The following RMST variants were observed in gnomAD, a reference collection of about 807,000 sequenced individuals.
The protein encoded by RMST is long intergenic non-protein coding RNA 54.
At chr12:97,523,702 C>G (rs1002850839) in intron 10 of RMST, among the ~76,000 whole-genome samples, 7 of 152,096 alleles carry the variant, frequency 4.6e-5, no homozygotes, top group African/African-American at 1.7e-4. Context: ...GTGCTACTAT[C>G]GCACAGCTTG....
intron 5 of RMST, among the ~76,000 whole-genome samples, chr12:97,482,658 AATTT>A (rs946712160): frequency 1.4e-5 from 2 of 144,464 alleles, no homozygotes; most frequent in East Asian, 3.9e-4. Context: ...TTATTTAATA[AATTT>A]ATTTATTTAA....
At chr12:97,534,731 C>G (rs776438089) in intron 11 of RMST, among the ~76,000 whole-genome samples, 1 of 151,662 alleles carries the variant, frequency 6.6e-6, no homozygotes, top group African/African-American at 2.4e-5. Flanking sequence ...CCACCCAGTC[C>G]CAGCCCTGAC....
At chr12:97,550,343 G>T (rs1883222684) in intron 11 of RMST, among the ~76,000 whole-genome samples, 1 of 152,152 alleles carries the variant, frequency 6.6e-6, no homozygotes. Flanking sequence ...GGTGAGCCAA[G>T]ATCATGCCAT....
At chr12:97,469,575 T>C (rs946464731) in intron 5 of RMST, among the ~76,000 whole-genome samples, 1 of 152,060 alleles carries the variant, frequency 6.6e-6, no homozygotes, top group Admixed American at 6.6e-5. Flanking sequence ...CGTTTGTTTG[T>C]AGATGAGGAA....
chr12:97,472,572 A>C, intron 5 of RMST, among the ~76,000 whole-genome samples: 1 of 152,118 alleles, frequency 6.6e-6, no homozygotes, highest in East Asian at 1.9e-4. Flanking sequence ...TTGGATCTCT[A>C]ATATTTATAA....
Position 97,554,713 on chromosome 12 carries a change from T to G in RMST, n.1546-5824T>G, listed in dbSNP as rs145165371. 2.2e-4 allele frequency among the ~76,000 whole-genome samples: 33 copies of G among 152,348 alleles called. No homozygotes were observed. In the East Asian group the frequency reaches 4.0e-3, roughly 19 times the overall value. ...AGGTGTCTAGCTAATGATCTTGCTC[T>G]TTCCCTTTTTTGGGGTACTTGATAT... On this transcript the variant is annotated intron_variant and non_coding_transcript_variant, in intron 11 of 13. Transcript: ENST00000640149.
chr12:97,492,541 A>G (rs1370439331), exon 6 of RMST: 1 of 153,520 alleles, frequency 6.5e-6, no homozygotes, highest in Non-Finnish European at 1.5e-5. Context: ...CTGCGGGGAA[A>G]TATAATCAGA....
At chr12:97,520,560 A>C (rs1325579463) in intron 10 of RMST, among the ~76,000 whole-genome samples, 2 of 152,184 alleles carry the variant, frequency 1.3e-5, no homozygotes, top group African/African-American at 4.8e-5. Flanking sequence ...TTGCCATTAT[A>C]AAACCTAGGC....
chr12:97,538,246 T>C (rs919157358), intron 11 of RMST, among the ~76,000 whole-genome samples: 1 of 151,580 alleles, frequency 6.6e-6, no homozygotes, highest in East Asian at 1.9e-4. Flanking sequence ...TCAGGTTGTT[T>C]TGAATCTTTA....
At chr12:97,547,256 G>A (rs75811632) in intron 11 of RMST, among the ~76,000 whole-genome samples, 11,166 of 151,094 alleles carry the variant, frequency 0.074, 500 homozygotes, top group East Asian at 0.19. Context: ...CTATGTATGC[G>A]TATCACATTT....
intron 5 of RMST, among the ~76,000 whole-genome samples, chr12:97,476,722 T>G (rs1181445053): frequency 6.6e-6 from 1 of 152,180 alleles, no homozygotes; most frequent in African/African-American, 2.4e-5. Context: ...ATTTTCAAAA[T>G]GGTGTCTGGA....
intron 11 of RMST, among the ~76,000 whole-genome samples, chr12:97,544,733 C>T (rs2136632249): frequency 6.6e-6 from 1 of 152,142 alleles, no homozygotes; most frequent in South Asian, 2.1e-4. Context: ...ATGGTCAAAT[C>T]AATTTTCTTG....
intron 11 of RMST, among the ~76,000 whole-genome samples, chr12:97,542,854 A>G (rs531179652): frequency 6.6e-6 from 1 of 152,048 alleles, no homozygotes; most frequent in South Asian, 2.1e-4. Flanking sequence ...TGAGGTCTGC[A>G]GTGGAATGTC....
At chr12:97,551,650 C>T (rs956520574) in intron 11 of RMST, among the ~76,000 whole-genome samples, 1 of 152,090 alleles carries the variant, frequency 6.6e-6, no homozygotes, top group Non-Finnish European at 1.5e-5. Flanking sequence ...CTTTTGGTTT[C>T]TGCTGTTTAT....
intron 6 of RMST, chr12:97,492,758 C>T (rs918341026): frequency 1.3e-5 from 2 of 152,068 alleles, no homozygotes; most frequent in African/African-American, 4.8e-5. Flanking sequence ...ATTCTCTCTC[C>T]TAGGATTTGA....
rs1003070357 is a variant in RMST, at chr12:97,528,145, G to A, written n.1341-2510G>A. Among the ~76,000 whole-genome samples the A allele has an allele frequency of 9.2e-5, 14 of 152,196 alleles. No individual in the cohort carries two copies. The East Asian group carries it at 2.7e-3, about 29-fold the overall frequency. On this transcript the variant is annotated intron_variant and non_coding_transcript_variant, in intron 10 of 13. Coordinates refer to ENST00000640149, the Ensembl canonical transcript of RMST. ...GATTAACAATTAGAATGGCATTAAAGCAAACTTTTGTAAAAGAAGAAAATG... is the reference window on the plus strand; with the variant it reads ...GATTAACAATTAGAATGGCATTAAAACAAACTTTTGTAAAAGAAGAAAATG...
At position 97,469,141 on chromosome 12, in the gene RMST, AGTGTGTGTGT is replaced by A. The variant is rs10585876; in HGVS notation, n.644+3445_644+3454del. ...GATTTATACAATCTGAAGAGAAACCAGTGTGTGTGTGTGTGTGTGTGTGTGTGTGTGTGTG... is the reference window on the plus strand; with the variant it reads ...GATTTATACAATCTGAAGAGAAACCAGTGTGTGTGTGTGTGTGTGTGTGTG... On this transcript the variant is annotated intron_variant and non_coding_transcript_variant, in intron 5 of 13. Transcript: ENST00000640149. Among the ~76,000 whole-genome samples, 640 of 138,392 alleles carry A rather than the reference AGTGTGTGTGT, an allele frequency of 4.6e-3. 4 individuals carry two copies. Among genetic ancestry groups the A allele is most frequent in the African/African-American group, 0.015 (560 of 37,690 alleles). 90.8% of individuals were successfully genotyped at this position (138,392 alleles called of 152,430 possible).
chr12:97,549,734 G>T (rs1051778464), intron 11 of RMST, among the ~76,000 whole-genome samples: 1 of 152,150 alleles, frequency 6.6e-6, no homozygotes, highest in Non-Finnish European at 1.5e-5. Context: ...TTTTTCCCCT[G>T]TTCCAATGTC....
intron 10 of RMST, among the ~76,000 whole-genome samples, chr12:97,510,899 G>A (rs542664300): frequency 6.6e-6 from 1 of 151,456 alleles, no homozygotes; most frequent in East Asian, 1.9e-4. Flanking sequence ...ATTTGTCATT[G>A]TGCAAACACA....
Sources: allele counts gnomAD v4.1 joint callset (sites outside exome capture counted in the v4.1 genomes callset), GRCh38; gene constraint gnomAD v4.1.1; transcripts MANE v1.5; gene names NCBI Gene and HGNC (gene_info 2026-07-23, HGNC 2026-07-21).